NFIC: variants seen among roughly 807,000 people sequenced by gnomAD.
NFIC encodes the protein nuclear factor I C.
In NFIC, 12 loss-of-function variants were observed where a neutral mutation model predicts 54.4. The observed-to-expected ratio is 0.22, with a 90% CI of 0.14 to 0.36. NFIC has a LOEUF of 0.36. Ranked by LOEUF, NFIC falls within the 10% of genes least tolerant of loss-of-function variation. The pLI is 1.00. For missense variants in NFIC, 575 were observed against 718.2 expected, an observed-to-expected ratio of 0.80 and a Z score of 2.28; for synonymous variants, 322 against 319.2, an observed-to-expected ratio of 1.01 and a Z score of -0.09.
chr19:3,451,406 G>A (rs1265361165), intron 7 of NFIC, among the ~76,000 whole-genome samples: 2 of 152,062 alleles, frequency 1.3e-5, no homozygotes, highest in African/African-American at 4.8e-5. Flanking sequence ...GCTGAGGTGG[G>A]TGGATTGCTT....
At chr19:3,402,457 AT>A (rs1385627325) in intron 2 of NFIC, among the ~76,000 whole-genome samples, 1 of 152,030 alleles carries the variant, frequency 6.6e-6, no homozygotes, top group African/African-American at 2.4e-5. Context: ...TTCTACAAAT[AT>A]TTATTGAGCA....
rs566360147 is a variant in NFIC at position 3,385,206 on chromosome 19, C to A, written c.562+2963C>A. Among the ~76,000 whole-genome samples, 638 of 151,336 alleles carry A rather than the reference C, an allele frequency of 4.2e-3. 6 individuals are homozygous for A. The highest frequency in any genetic ancestry group is 0.015 in the African/African-American group (599 of 41,172). On this transcript the variant is annotated intron_variant, in intron 2 of 10. Coordinates refer to ENST00000443272, the MANE Select transcript of NFIC (RefSeq NM_001245002.2). ...AATTGGCCCCAGCAGGGCACACCCC[C>A]CCCCAACCCTCCCACCTGCCCACTG...
chr19:3,387,129 C>T (rs78795299), intron 2 of NFIC, among the ~76,000 whole-genome samples: 1 of 152,192 alleles, frequency 6.6e-6, no homozygotes, highest in Non-Finnish European at 1.5e-5. Flanking sequence ...TGGCTGGCCT[C>T]TTGGAGGGGT....
intron 6 of NFIC, among the ~76,000 whole-genome samples, chr19:3,443,026 G>C (rs1018052912): frequency 6.6e-6 from 1 of 152,208 alleles, no homozygotes; most frequent in African/African-American, 2.4e-5. Context: ...GGAGTGGGTC[G>C]AGGCCAGGGA....
rs1362428095 is a variant in NFIC at position 3,459,200 on chromosome 19, G to A, written c.1509+2565G>A. ...CCTCCCCCAAAGCCTGGGTGGGCGC[G>A]CCTTTCCCTCTGCCTCTCCGGCTCC... On this transcript the variant is annotated intron_variant, in intron 10 of 10. Coordinates refer to ENST00000443272, the MANE Select transcript of NFIC (RefSeq NM_001245002.2). This position sits in a 1 kb window ranked among gnomAD's most constrained non-coding sequence, Gnocchi z 4.2. 3.3e-5 allele frequency among the ~76,000 whole-genome samples: 5 copies of A among 149,314 alleles called. No homozygotes were observed. The highest frequency in any genetic ancestry group is 3.9e-4 in the East Asian group (2 of 5,106).
At chr19:3,368,230 G>T (rs974002988) in intron 1 of NFIC, among the ~76,000 whole-genome samples, 2 of 152,216 alleles carry the variant, frequency 1.3e-5, no homozygotes, top group African/African-American at 2.4e-5. Context: ...GAGCCATTTG[G>T]GAGGGCTGAG....
intron 2 of NFIC, among the ~76,000 whole-genome samples, chr19:3,400,317 T>C (rs1333495866): frequency 6.6e-6 from 1 of 151,380 alleles, no homozygotes; most frequent in African/African-American, 2.4e-5. Context: ...CTACTAAAAA[T>C]ACAAAAAAAA....
chr19:3,408,103 AT>A (rs2081684498), intron 2 of NFIC, among the ~76,000 whole-genome samples: 1 of 151,946 alleles, frequency 6.6e-6, no homozygotes. Context: ...AGCCAGCAAC[AT>A]TTGGAAGCCG....
chr19:3,405,591 AT>A (rs2081635683), intron 2 of NFIC, among the ~76,000 whole-genome samples: 2 of 143,398 alleles, frequency 1.4e-5, no homozygotes, highest in African/African-American at 5.0e-5. Context: ...ATTTAATTTA[AT>A]TTATTTATTT....
chr19:3,420,752 C>T (rs2081941629), intron 2 of NFIC, among the ~76,000 whole-genome samples: 1 of 150,930 alleles, frequency 6.6e-6, no homozygotes, highest in East Asian at 2.0e-4. Context: ...GAGATGGAGT[C>T]ACTCTGTCGC....
intron 5 of NFIC, 54 bp downstream of exon 5, chr19:3,434,454 A>C: frequency 1.3e-6 from 2 of 1,535,918 alleles, no homozygotes; most frequent in East Asian, 2.4e-5. Flanking sequence ...TCATCAACCC[A>C]TCCCCTCTGG....
intron 2 of NFIC, among the ~76,000 whole-genome samples, chr19:3,412,833 G>A (rs2081786687): frequency 1.3e-5 from 2 of 152,184 alleles, no homozygotes; most frequent in South Asian, 4.1e-4. Flanking sequence ...CCCAGGTGGG[G>A]GTGCTCTGAA....
chr19:3,447,330 A>G (rs903519834), intron 6 of NFIC, among the ~76,000 whole-genome samples: 1 of 148,532 alleles, frequency 6.7e-6, no homozygotes, highest in African/African-American at 2.5e-5. Flanking sequence ...ACACAGCCCC[A>G]GAAGGCCAGG....
At chr19:3,442,357 C>T (rs57306837) in intron 6 of NFIC, among the ~76,000 whole-genome samples, 1 of 151,330 alleles carries the variant, frequency 6.6e-6, no homozygotes, top group Non-Finnish European at 1.5e-5. Flanking sequence ...TTCCTCTCCT[C>T]TGTCACCCCA....
chr19:3,427,318 G>A (rs760090235), intron 3 of NFIC, among the ~76,000 whole-genome samples: 108 of 152,302 alleles, frequency 7.1e-4, no homozygotes, highest in Middle Eastern at 6.8e-3. Context: ...TGACTGCACG[G>A]GTGTCTGCTC....
intron 3 of NFIC, among the ~76,000 whole-genome samples, chr19:3,430,643 G>A (rs1016271044): frequency 1.3e-5 from 2 of 151,994 alleles, no homozygotes; most frequent in African/African-American, 4.8e-5. Context: ...GGCTTGGCCT[G>A]TCCTGGACAT....
chr19:3,412,358 A>C (rs976123729), intron 2 of NFIC, among the ~76,000 whole-genome samples: 1 of 152,030 alleles, frequency 6.6e-6, no homozygotes, highest in South Asian at 2.1e-4. Context: ...AGCCATCCCC[A>C]CCTCAGCCTC....
chr19:3,380,309 C>CTTTTTTTTTTTTTTTT (rs529220524), intron 1 of NFIC, among the ~76,000 whole-genome samples: 1 of 65,148 alleles, frequency 1.5e-5, no homozygotes, highest in Non-Finnish European at 2.6e-5. Flanking sequence ...CAGCCTTGTT[C>CTTTTTTTTTTTTTTTT]TTTTTTTTTT....
chr19:3,433,385 C>A, intron 3 of NFIC, 133 bp from the exon 4 acceptor site: 1 of 864,106 alleles, frequency 1.2e-6, no homozygotes, highest in South Asian at 1.5e-5. Flanking sequence ...AGCTGTCATT[C>A]CCCCACAGCA....
Sources: allele counts gnomAD v4.1 joint callset (sites outside exome capture counted in the v4.1 genomes callset), GRCh38; gene constraint gnomAD v4.1.1; non-coding constraint Gnocchi (gnomAD v3.1); transcripts MANE v1.5; gene names NCBI Gene and HGNC (gene_info 2026-07-23, HGNC 2026-07-21).